The following CCDC7 variants were observed in gnomAD, a reference collection of about 807,000 sequenced individuals.
The protein encoded by CCDC7 is coiled-coil domain-containing protein 7.
In CCDC7, 183 loss-of-function variants were observed where a neutral mutation model predicts 196.9. The observed-to-expected ratio is 0.93, with a 90% CI of 0.82 to 1.05. The LOEUF is 1.05. Ranked by LOEUF, CCDC7 falls within the 50% of genes least tolerant of loss-of-function variation. CCDC7 has a pLI of 0.00. For synonymous variants in CCDC7, 525 were observed against 484.6 expected, an observed-to-expected ratio of 1.08 and a Z score of -1.10; for missense variants, 1,540 against 1,482.2, an observed-to-expected ratio of 1.04 and a Z score of -0.64.
intron 5 of CCDC7, among the ~76,000 whole-genome samples, chr10:32,467,085 G>A (rs536973626): frequency 3.2e-4 from 48 of 150,790 alleles, no homozygotes; most frequent in African/African-American, 9.2e-4. Flanking sequence ...TTTGAAAAGC[G>A]TCGTTCATGT....
intron 21 of CCDC7, among the ~76,000 whole-genome samples, chr10:32,684,266 C>T (rs931256340): frequency 6.6e-6 from 1 of 152,160 alleles, no homozygotes; most frequent in Non-Finnish European, 1.5e-5. Context: ...GCTATGGCAG[C>T]TGGTCCCAGG....
chr10:32,675,129 G>T (rs2074709646), intron 21 of CCDC7, among the ~76,000 whole-genome samples: 1 of 151,774 alleles, frequency 6.6e-6, no homozygotes, highest in African/African-American at 2.4e-5. Flanking sequence ...ACTTACTATT[G>T]CAATTATATT....
At chr10:32,789,805 T>C (rs1425619817) in intron 29 of CCDC7, among the ~76,000 whole-genome samples, 14 of 152,180 alleles carry the variant, frequency 9.2e-5, no homozygotes, top group Non-Finnish European at 1.9e-4. Context: ...TGTCTTTCTT[T>C]TGCCCCCTTT....
intron 26 of CCDC7, among the ~76,000 whole-genome samples, chr10:32,727,700 A>G (rs1355166228): frequency 6.6e-6 from 1 of 152,164 alleles, no homozygotes; most frequent in Non-Finnish European, 1.5e-5. Flanking sequence ...CCAACCTAAT[A>G]TATCGCTTTC....
chr10:32,773,766 C>A (rs1032502147), intron 28 of CCDC7, among the ~76,000 whole-genome samples: 8 of 151,964 alleles, frequency 5.3e-5, no homozygotes, highest in African/African-American at 1.9e-4. Flanking sequence ...TATGTTGATG[C>A]CTGCACATTG....
intron 40 of CCDC7, among the ~76,000 whole-genome samples, chr10:32,852,223 T>G (rs2093590350): frequency 2.0e-5 from 3 of 152,202 alleles, no homozygotes; most frequent in Admixed American, 6.5e-5. Flanking sequence ...GATAAACTCA[T>G]TTTATAACCT....
At chr10:32,555,232 T>C (rs1338102377) in intron 13 of CCDC7, among the ~76,000 whole-genome samples, 1 of 151,676 alleles carries the variant, frequency 6.6e-6, no homozygotes, top group Admixed American at 6.6e-5. Context: ...CTGGATTATA[T>C]GTTAGTTCTA....
At chr10:32,699,890 T>C (rs1436358987) in intron 24 of CCDC7, among the ~76,000 whole-genome samples, 1 of 149,552 alleles carries the variant, frequency 6.7e-6, no homozygotes, top group Non-Finnish European at 1.5e-5. Context: ...TGCCCACTTG[T>C]TGATAGGGTT....
chr10:32,659,961 A>G (rs1458231612), intron 20 of CCDC7, among the ~76,000 whole-genome samples: 1 of 152,156 alleles, frequency 6.6e-6, no homozygotes, highest in Non-Finnish European at 1.5e-5. Flanking sequence ...TAGCCCAGCA[A>G]TCCCGTTACT....
At chr10:32,841,875 G>A (rs1215146586) in intron 33 of CCDC7, among the ~76,000 whole-genome samples, 2 of 151,930 alleles carry the variant, frequency 1.3e-5, no homozygotes, top group East Asian at 1.9e-4. Flanking sequence ...CGTATTCAAC[G>A]AATGTTGCTG....
rs375472936 is a variant in CCDC7, at chr10:32,708,387, A to G, written c.2459-3233A>G. ...AAAACCCTAGAAGAAAACCTAGGCA[A>G]TACCTTTCAGATCATAGGCATGGAC... is the stretch of plus-strand genomic sequence containing the variant. On this transcript the variant is annotated intron_variant, in intron 24 of 41. Transcript: ENST00000639629. Among the ~76,000 whole-genome samples, 38 of 152,360 alleles carry G rather than the reference A, an allele frequency of 2.5e-4. No individual in the cohort carries two copies. The East Asian group carries it at 6.9e-3, about 28-fold the overall frequency.
intron 21 of CCDC7, among the ~76,000 whole-genome samples, chr10:32,677,622 AT>A (rs1196220132): frequency 6.6e-6 from 1 of 151,482 alleles, no homozygotes; most frequent in African/African-American, 2.4e-5. Flanking sequence ...ATGTGATGTC[AT>A]TTTTTTCTTT....
intron 30 of CCDC7, among the ~76,000 whole-genome samples, chr10:32,809,879 T>C (rs569113810): frequency 1.5e-4 from 23 of 152,330 alleles, no homozygotes; most frequent in Non-Finnish European, 2.8e-4. Flanking sequence ...CATTACTTGG[T>C]ATATACCCAA....
intron 15 of CCDC7, among the ~76,000 whole-genome samples, chr10:32,571,081 C>T (rs1421234515): frequency 6.8e-6 from 1 of 146,046 alleles, no homozygotes; most frequent in African/African-American, 2.5e-5. Flanking sequence ...TCTTGGCTCA[C>T]TGCAACCTCT....
In CCDC7 at chr10:32,460,192, CA is replaced by C. The variant is rs561021236; in HGVS notation, c.457-2490del. Among the ~76,000 whole-genome samples, 298 of 152,090 alleles carry C rather than the reference CA, an allele frequency of 2.0e-3. 1 individual carries two copies. Among genetic ancestry groups the C allele is most frequent in the Middle Eastern group, 6.8e-3 (2 of 294 alleles). ...AGAGAGGGGCAAGAGAAATTTCAAA[CA>C]GGGGCAAAATTTGGATCATGTATAC... On this transcript the variant is annotated intron_variant, in intron 3 of 41. Transcript: ENST00000639629.
chr10:32,667,020 C>A (rs565960450), intron 21 of CCDC7, among the ~76,000 whole-genome samples: 1 of 152,296 alleles, frequency 6.6e-6, no homozygotes, highest in East Asian at 1.9e-4. Context: ...TATTTCTCCA[C>A]ATCCTCTCCA....
At chr10:32,631,230 T>C (rs574504148) in intron 18 of CCDC7, among the ~76,000 whole-genome samples, 2 of 152,214 alleles carry the variant, frequency 1.3e-5, no homozygotes, top group Admixed American at 6.5e-5. Context: ...AACCATTGCC[T>C]AAAGCAAAAT....
intron 33 of CCDC7, among the ~76,000 whole-genome samples, chr10:32,836,207 C>T (rs944592485): frequency 6.6e-6 from 1 of 151,998 alleles, no homozygotes; most frequent in African/African-American, 2.4e-5. Context: ...CCCCTGAAAC[C>T]ACTGTCATTC....
chr10:32,674,816 A>G (rs1362001456), intron 21 of CCDC7, among the ~76,000 whole-genome samples: 5 of 151,970 alleles, frequency 3.3e-5, no homozygotes, highest in African/African-American at 7.2e-5. Context: ...GCCCATTTTA[A>G]TGGTGAATTG....
Sources: allele counts gnomAD v4.1 joint callset (sites outside exome capture counted in the v4.1 genomes callset), GRCh38; gene constraint gnomAD v4.1.1; transcripts MANE v1.5; gene names NCBI Gene and HGNC (gene_info 2026-07-23, HGNC 2026-07-21).